GAS7: variants seen among roughly 807,000 people sequenced by gnomAD.
GAS7 encodes growth arrest-specific protein 7.
A neutral mutation model predicts 71.1 loss-of-function variants in GAS7; 28 were observed. The ratio of observed to expected loss-of-function variants is 0.39; its 90% CI spans 0.29 to 0.54. The LOEUF (loss-of-function observed/expected upper bound fraction) is 0.54. Ranked by LOEUF, GAS7 falls within the 20% of genes least tolerant of loss-of-function variation. The probability of loss-of-function intolerance (pLI) is 0.62; values close to 1 mark genes in which losing one functional copy is unlikely to be tolerated. For synonymous variants in GAS7, 258 were observed against 245.8 expected (o/e 1.05, Z -0.46); for missense variants, 436 against 627.8 (o/e 0.69, Z 3.27).
At chr17:10,118,528 C>T (rs759094617) in intron 1 of GAS7, among the ~76,000 whole-genome samples, 44 of 152,014 alleles carry the variant, frequency 2.9e-4, no homozygotes, top group Non-Finnish European at 5.9e-4. Context: ...CTGGCCAACA[C>T]GGTAAAACCC....
intron 7 of GAS7, among the ~76,000 whole-genome samples, chr17:9,942,453 A>C (rs570130911): frequency 1.0e-3 from 156 of 151,750 alleles, no homozygotes; most frequent in Non-Finnish European, 2.0e-3. Flanking sequence ...TAGAGAAGGA[A>C]CTTCTCTTTC....
rs73974437 is a variant in GAS7 at position 10,197,140 on chromosome 17, C to T, written c.183+1068G>A. ...CAGGATACATCCTCAGGCGGACTCA[C>T]CCTGTAACCATTTCACTTCTTTCTT... On this transcript the variant is annotated intron_variant, in intron 1 of 13. Coordinates refer to ENST00000432992, the MANE Select transcript of GAS7 (RefSeq NM_201433.2). 6.2e-3 allele frequency among the ~76,000 whole-genome samples: 947 copies of T among 152,274 alleles called. 8 individuals carry two copies. Among genetic ancestry groups the T allele is most frequent in the African/African-American group, 0.021 (878 of 41,552 alleles).
intron 1 of GAS7, among the ~76,000 whole-genome samples, chr17:10,058,063 A>G (rs893352166): frequency 1.3e-5 from 2 of 152,286 alleles, no homozygotes; most frequent in Admixed American, 6.5e-5. Context: ...GCTTGTTAAG[A>G]GTCATCACCA....
At chr17:10,101,084 C>T (rs915932642) in intron 1 of GAS7, among the ~76,000 whole-genome samples, 4 of 148,310 alleles carry the variant, frequency 2.7e-5, no homozygotes, top group African/African-American at 1.0e-4. Context: ...GTCTAAGCAA[C>T]ATAGCAAGAC....
chr17:10,116,850 G>A (rs1430844237), intron 1 of GAS7, among the ~76,000 whole-genome samples: 4 of 151,922 alleles, frequency 2.6e-5, no homozygotes, highest in Non-Finnish European at 4.4e-5. Context: ...CAGACAGACA[G>A]GTCAATGATC....
chr17:9,919,848 G>A lies in GAS7; in HGVS notation c.1139-143C>T. On this transcript the variant is annotated intron_variant, in intron 11 of 13. Transcript: ENST00000432992. The surrounding 1 kb of genome is among the most constrained non-coding windows in gnomAD (Gnocchi z 5.0). ...AAAGCTGGAAAAGGGATGGCAGTAG[G>A]AAGAAGAAGAAAGCAGAGCCAGGGA... The A allele has an allele frequency of 5.7e-6, 4 of 702,750 alleles. No individual in the cohort carries two copies. Among genetic ancestry groups the A allele is most frequent in the Admixed American group, 4.2e-5 (2 of 48,034 alleles). The allele number at this position is 702,750 out of a possible 1,614,324, so 43.5% of individuals were successfully genotyped here.
intron 12 of GAS7, 119 bp from the exon 13 acceptor site, chr17:9,918,218 T>A: frequency 1.5e-6 from 1 of 669,122 alleles, no homozygotes; most frequent in Non-Finnish European, 2.6e-6. Flanking sequence ...TCTGACTCTC[T>A]GGGGTCTGAT....
At chr17:10,146,301 C>G (rs1217624778) in intron 1 of GAS7, among the ~76,000 whole-genome samples, 2 of 152,202 alleles carry the variant, frequency 1.3e-5, no homozygotes, top group Non-Finnish European at 2.9e-5. Flanking sequence ...TCAAACCCAC[C>G]TTCTTCCCGG....
chr17:10,100,036 G>A (rs1024484021), intron 1 of GAS7, among the ~76,000 whole-genome samples: 6 of 152,166 alleles, frequency 3.9e-5, no homozygotes, highest in East Asian at 3.8e-4. Flanking sequence ...AAAAGAGGAG[G>A]TTGAGATCCA....
At chr17:10,055,870 T>G (rs756235766) in intron 1 of GAS7, among the ~76,000 whole-genome samples, 1 of 152,326 alleles carries the variant, frequency 6.6e-6, no homozygotes, top group East Asian at 1.9e-4. Context: ...TGGAAAACAA[T>G]GCTTTACCTG....
intron 5 of GAS7, among the ~76,000 whole-genome samples, chr17:9,952,763 A>G (rs998033933): frequency 1.3e-5 from 2 of 152,216 alleles, no homozygotes; most frequent in African/African-American, 4.8e-5. Context: ...ACCGCTAATC[A>G]TTAAAGAAAG....
intron 1 of GAS7, among the ~76,000 whole-genome samples, chr17:10,077,804 T>C (rs2073411449): frequency 6.6e-6 from 1 of 151,652 alleles, no homozygotes; most frequent in South Asian, 2.1e-4. Flanking sequence ...TGTGATCCAA[T>C]AAAACAAGGG....
chr17:9,934,645 C>T (rs1351413605), intron 8 of GAS7, among the ~76,000 whole-genome samples: 1 of 152,170 alleles, frequency 6.6e-6, no homozygotes, highest in African/African-American at 2.4e-5. Flanking sequence ...TCACATCACC[C>T]CTCCCTGGTT....
chr17:10,104,808 C>T (rs1385304520), intron 1 of GAS7, among the ~76,000 whole-genome samples: 3 of 152,152 alleles, frequency 2.0e-5, no homozygotes, highest in East Asian at 3.9e-4. Context: ...TCCACTGCTG[C>T]CATGCTGTTC....
chr17:9,957,027 G>C (rs2069269911), intron 5 of GAS7, among the ~76,000 whole-genome samples: 1 of 152,180 alleles, frequency 6.6e-6, no homozygotes, highest in Non-Finnish European at 1.5e-5. Context: ...GAAGTGTCCT[G>C]GGCCAGCAGC....
chr17:9,913,264 T>TG lies in GAS7; in HGVS notation c.*3963dup, dbSNP rs199917501. The TG allele has an allele frequency of 7.3e-4, 170 of 232,452 alleles. No homozygotes were observed. The East Asian group carries it at 7.7e-3, about 11-fold the overall frequency. 14.4% of individuals were successfully genotyped at this position (232,452 alleles called of 1,614,324 possible). ...GGGATAAGACGATGTCCAGGCTACG[T>TG]GGGGGGGCAGCTGATCTGTACCCCA... is the stretch of plus-strand genomic sequence containing the variant. On this transcript the variant is annotated 3_prime_UTR_variant, in exon 14 of 14. Transcript: ENST00000432992.
chr17:9,947,048 C>T, intron 5 of GAS7, 65 bp from the exon 6 acceptor site: 2 of 1,105,032 alleles, frequency 1.8e-6, no homozygotes, highest in Admixed American at 3.5e-5. Context: ...AAGGCTTCGG[C>T]TCCTGGGGGA....
chr17:10,076,490 GA>G (rs140689424), intron 1 of GAS7, among the ~76,000 whole-genome samples: 18,588 of 148,842 alleles, frequency 0.12, 1,451 homozygotes, highest in Admixed American at 0.23. Context: ...GAAAGGAAAA[GA>G]AAAAAAAAGA....
At chr17:10,087,023 G>T (rs367954824) in intron 1 of GAS7, among the ~76,000 whole-genome samples, 1 of 152,306 alleles carries the variant, frequency 6.6e-6, no homozygotes, top group South Asian at 2.1e-4. Flanking sequence ...CTTGACAAAG[G>T]ACCTCTACTG....
Sources: allele counts gnomAD v4.1 joint callset (sites outside exome capture counted in the v4.1 genomes callset), GRCh38; gene constraint gnomAD v4.1.1; non-coding constraint Gnocchi (gnomAD v3.1); transcripts MANE v1.5; gene names NCBI Gene and HGNC (gene_info 2026-07-23, HGNC 2026-07-21).